CDK14: variants seen among roughly 807,000 people sequenced by gnomAD.
The protein encoded by CDK14 is cyclin dependent kinase 14.
CDK14 carries 34 observed loss-of-function variants against 60.7 expected under a neutral mutation model. That is an observed-to-expected ratio of 0.56 (90% CI 0.43 to 0.75). The LOEUF (loss-of-function observed/expected upper bound fraction) is 0.75, where lower values mean the gene tolerates loss of function less well. Among genes scored for constraint, CDK14 ranks in the 30% least tolerant of loss-of-function variants. The probability of loss-of-function intolerance (pLI) is 0.00; values close to 1 mark genes in which losing one functional copy is unlikely to be tolerated. For missense variants in CDK14, 482 were observed against 564.1 expected (o/e 0.85, Z 1.47); for synonymous variants, 197 against 203.7 (o/e 0.97, Z 0.28).
intron 10 of CDK14, among the ~76,000 whole-genome samples, chr7:91,025,418 T>G (rs551376584): frequency 5.0e-4 from 76 of 152,264 alleles, no homozygotes; most frequent in Admixed American, 1.4e-3. Context: ...AGGAGGTAGT[T>G]TAAGGCCTAC....
chr7:90,602,241 T>C (rs1799332059), intron 1 of CDK14, among the ~76,000 whole-genome samples: 1 of 152,238 alleles, frequency 6.6e-6, no homozygotes, highest in African/African-American at 2.4e-5. Context: ...AGTTTGCTGC[T>C]GTAGCTTTGC....
At chr7:90,831,322 A>G (rs1000119217) in intron 5 of CDK14, among the ~76,000 whole-genome samples, 47 of 152,136 alleles carry the variant, frequency 3.1e-4, no homozygotes, top group African/African-American at 1.1e-3. Context: ...GGGAGGAGAG[A>G]GAGAGAACGA....
rs61001373 is a variant in CDK14, at chr7:91,029,624, T to TCCTCTCCCCTCTCCCCTCTCCCCTCTCC, written c.1042-16256_1042-16255insCTCCCCTCTCCCCTCTCCCCTCTCCCCT. Among the ~76,000 whole-genome samples the TCCTCTCCCCTCTCCCCTCTCCCCTCTCC allele has an allele frequency of 2.3e-5, 3 of 132,670 alleles. No individual in the cohort carries two copies. The East Asian group carries it at 6.7e-4, about 29-fold the overall frequency. 87.0% of individuals were successfully genotyped at this position (132,670 alleles called of 152,430 possible). A position where few individuals can be genotyped will look rare whatever the true frequency, so the allele number is the denominator to read the frequency against. ...CTCTCCTCTCCTCCGCTCCCCACTCTCCTCTCCCCTCTCCCCTTCCCCTTC... is the reference window on the plus strand; with the variant it reads ...CTCTCCTCTCCTCCGCTCCCCACTCTCCTCTCCCCTCTCCCCTCTCCCCTCTCCCCTCTCCCCTCTCCCCTTCCCCTTC... On this transcript the variant is annotated intron_variant, in intron 10 of 14. Transcript: ENST00000380050.
intron 2 of CDK14, among the ~76,000 whole-genome samples, chr7:90,635,324 A>G (rs1447570422): frequency 6.6e-6 from 1 of 152,232 alleles, no homozygotes; most frequent in African/African-American, 2.4e-5. Flanking sequence ...GGTGTAAGGA[A>G]GGGATCCAGT....
chr7:91,124,250 C>T (rs1304089782), intron 14 of CDK14, among the ~76,000 whole-genome samples: 1 of 152,008 alleles, frequency 6.6e-6, no homozygotes, highest in Non-Finnish European at 1.5e-5. Flanking sequence ...AAGAATAGCA[C>T]AAGAATTCCT....
At chr7:90,641,242 G>A (rs528448264) in intron 2 of CDK14, among the ~76,000 whole-genome samples, 3 of 151,974 alleles carry the variant, frequency 2.0e-5, no homozygotes, top group Non-Finnish European at 4.4e-5. Context: ...GTTAAACATA[G>A]AATTATGACA....
intron 12 of CDK14, among the ~76,000 whole-genome samples, chr7:91,091,736 A>G (rs995301093): frequency 1.1e-5 from 1 of 87,802 alleles, no homozygotes; most frequent in Non-Finnish European, 2.3e-5. Context: ...GAAGGAAGGA[A>G]GGAAGGAAGG....
At chr7:90,914,603 A>G (rs1325343720) in intron 7 of CDK14, among the ~76,000 whole-genome samples, 1 of 152,132 alleles carries the variant, frequency 6.6e-6, no homozygotes, top group African/African-American at 2.4e-5. Flanking sequence ...TTTGGGGCTT[A>G]ATTTGTCATG....
intron 2 of CDK14, among the ~76,000 whole-genome samples, chr7:90,637,762 G>A (rs1800189895): frequency 1.0e-5 from 1 of 99,510 alleles, no homozygotes; most frequent in South Asian, 3.4e-4. Context: ...ATTATTGTGT[G>A]GGAGTCTAAG....
At chr7:90,760,425 A>G (rs922974696) in intron 4 of CDK14, among the ~76,000 whole-genome samples, 1 of 152,210 alleles carries the variant, frequency 6.6e-6, no homozygotes, top group African/African-American at 2.4e-5. Context: ...TTGAAGCTGC[A>G]ATCTTAAGTG....
chr7:90,745,335 CA>C (rs1186641786), intron 3 of CDK14, among the ~76,000 whole-genome samples: 1 of 152,100 alleles, frequency 6.6e-6, no homozygotes, highest in African/African-American at 2.4e-5. Flanking sequence ...ATTAATTATG[CA>C]AAATTATTTT....
At chr7:90,938,663 G>C (rs1056289545) in intron 8 of CDK14, among the ~76,000 whole-genome samples, 2 of 152,116 alleles carry the variant, frequency 1.3e-5, no homozygotes, top group Non-Finnish European at 2.9e-5. Context: ...TTTAGAAAAA[G>C]TGTTCTGTTA....
At chr7:91,141,278 G>A (rs1266076604) in intron 14 of CDK14, among the ~76,000 whole-genome samples, 2 of 152,162 alleles carry the variant, frequency 1.3e-5, no homozygotes, top group Non-Finnish European at 2.9e-5. Context: ...GTGGGAGAAG[G>A]ACAGAGAAGA....
intron 12 of CDK14, among the ~76,000 whole-genome samples, chr7:91,096,637 G>A (rs572636714): frequency 6.6e-6 from 1 of 152,174 alleles, no homozygotes; most frequent in South Asian, 2.1e-4. Flanking sequence ...GTATGCAATA[G>A]ACACCAGCTC....
At chr7:90,637,674 A>T (rs889000428) in intron 2 of CDK14, among the ~76,000 whole-genome samples, 3 of 150,618 alleles carry the variant, frequency 2.0e-5, no homozygotes, top group African/African-American at 7.4e-5. Flanking sequence ...AGCTGAGTTC[A>T]ATTCCTGGGT....
chr7:91,014,545 C>T (rs1283182612), intron 10 of CDK14, among the ~76,000 whole-genome samples: 2 of 152,024 alleles, frequency 1.3e-5, no homozygotes, highest in African/African-American at 4.8e-5. Flanking sequence ...TGATTTTTCC[C>T]TTATTTTTAT....
rs1562867335 is a variant in CDK14 at position 91,010,838 on chromosome 7, TC to T, written c.1041+26600del. On this transcript the variant is annotated intron_variant, in intron 10 of 14. Transcript: ENST00000380050. The stretch of plus-strand genomic sequence containing the variant: ...CTTCCTTCCTTCCTTCCTTCCTCCC[TC>T]CCTCCCTCCCTCCCTCCCTCCCTCC... 3.5e-3 allele frequency among the ~76,000 whole-genome samples: 365 copies of T among 103,674 alleles called. 2 individuals are homozygous for T. Among genetic ancestry groups the T allele is most frequent in the Middle Eastern group, 0.018 (4 of 220 alleles). 68.0% of individuals were successfully genotyped at this position (103,674 alleles called of 152,430 possible).
chr7:90,851,795 A>G (rs549583856), intron 5 of CDK14, among the ~76,000 whole-genome samples: 1 of 151,562 alleles, frequency 6.6e-6, no homozygotes, highest in South Asian at 2.1e-4. Context: ...AATTATTATG[A>G]CAATTTGAAG....
chr7:90,842,054 C>A (rs1022113732), intron 5 of CDK14, among the ~76,000 whole-genome samples: 3 of 151,906 alleles, frequency 2.0e-5, no homozygotes, highest in African/African-American at 7.3e-5. Context: ...CAATAACAGC[C>A]CCTGCAAGTT....
Sources: allele counts gnomAD v4.1 joint callset (sites outside exome capture counted in the v4.1 genomes callset), GRCh38; gene constraint gnomAD v4.1.1; transcripts MANE v1.5; gene names NCBI Gene and HGNC (gene_info 2026-07-23, HGNC 2026-07-21).